The following RBFOX1 variants were observed in gnomAD, a reference collection of about 807,000 sequenced individuals.
RBFOX1 encodes the protein RNA binding protein fox-1 homolog 1.
RBFOX1 carries 8 observed loss-of-function variants against 57.7 expected under a neutral mutation model. That is an observed-to-expected ratio of 0.14 (90% CI 0.08 to 0.25). RBFOX1 has a LOEUF of 0.25. Among genes scored for constraint, RBFOX1 ranks in the 10% least tolerant of loss-of-function variants. The pLI is 1.00. For synonymous variants in RBFOX1, 326 were observed against 222.4 expected (o/e 1.47, Z -4.15); for missense variants, 611 against 548.5 (o/e 1.11, Z -1.14).
chr16:6,599,461 G>T (rs951465080), intron 2 of RBFOX1, among the ~76,000 whole-genome samples: 1 of 152,012 alleles, frequency 6.6e-6, no homozygotes, highest in East Asian at 1.9e-4. Context: ...TAACAAGGAC[G>T]CTTCAAAAAA....
At chr16:5,781,730 C>T (rs1395181191) in intron 3 of RBFOX1, among the ~76,000 whole-genome samples, 1 of 152,320 alleles carries the variant, frequency 6.6e-6, no homozygotes, top group East Asian at 1.9e-4. Context: ...TGAAAGCCCC[C>T]TTTTCTAGGG....
intron 1 of RBFOX1, among the ~76,000 whole-genome samples, chr16:6,183,713 C>G (rs946536628): frequency 3.9e-5 from 6 of 152,082 alleles, no homozygotes; most frequent in Non-Finnish European, 1.5e-5. Context: ...TGGCTGCAGA[C>G]TTCTTGTCAT....
intron 3 of RBFOX1, among the ~76,000 whole-genome samples, chr16:6,907,299 C>A (rs775526244): frequency 6.6e-6 from 1 of 152,160 alleles, no homozygotes; most frequent in Admixed American, 6.5e-5. Flanking sequence ...ACCGATGTGC[C>A]TCCTTCAGTA....
At position 5,817,162 on chromosome 16, in the gene RBFOX1, C is replaced by G. The variant is rs75262223; in HGVS notation, c.319-50141C>G. 6.8e-3 allele frequency among the ~76,000 whole-genome samples: 1,042 copies of G among 152,238 alleles called. 15 individuals carry two copies. Among genetic ancestry groups the G allele is most frequent in the African/African-American group, 0.023 (958 of 41,558 alleles). On this transcript the variant is annotated intron_variant, in intron 3 of 19. Transcript: ENST00000641259. ...CAGCGTCGTCTTGCACTCTTGTGCA[C>G]TCTCTCTCTATCTCTCTGTGTGTGT...
At chr16:5,431,638 G>C (rs2067738596) in intron 1 of RBFOX1, among the ~76,000 whole-genome samples, 1 of 152,170 alleles carries the variant, frequency 6.6e-6, no homozygotes, top group Admixed American at 6.5e-5. Context: ...CTCCCAAAGT[G>C]CTGGGGTTAC....
chr16:6,447,690 A>G lies in RBFOX1; in HGVS notation c.-64+130633A>G, dbSNP rs375427854. Among the ~76,000 whole-genome samples, 16 of 152,312 alleles carry G rather than the reference A, an allele frequency of 1.1e-4. No homozygotes were observed. The East Asian group carries it at 1.2e-3, about 11-fold the overall frequency. ...GCTGATAACAAGCGTTAAAAATTAG[A>G]ATTCATAATCCAGATTTTGAAAGCC... On this transcript the variant is annotated intron_variant, in intron 2 of 15. Transcript: ENST00000550418.
intron 2 of RBFOX1, among the ~76,000 whole-genome samples, chr16:6,376,571 T>C (rs1018729818): frequency 4.6e-5 from 7 of 152,248 alleles, no homozygotes; most frequent in South Asian, 4.1e-4. Flanking sequence ...TACATTGGTG[T>C]CTGTTCACGT....
chr16:6,746,899 A>G (rs1055286051), intron 3 of RBFOX1, among the ~76,000 whole-genome samples: 1 of 152,150 alleles, frequency 6.6e-6, no homozygotes, highest in African/African-American at 2.4e-5. Context: ...TCCATCTCCT[A>G]GCAGTCTTCT....
chr16:7,137,521 T>C (rs1237397880), intron 4 of RBFOX1, among the ~76,000 whole-genome samples: 3 of 152,156 alleles, frequency 2.0e-5, no homozygotes, highest in Non-Finnish European at 4.4e-5. Context: ...CCTTCCGCCA[T>C]GATTGTGAGG....
chr16:7,254,507 T>TTA (rs397752418), intron 4 of RBFOX1, among the ~76,000 whole-genome samples: 4 of 151,736 alleles, frequency 2.6e-5, no homozygotes, highest in Admixed American at 2.0e-4. Context: ...TCTTTTTTTT[T>TTA]ATCAATATAT....
intron 2 of RBFOX1, among the ~76,000 whole-genome samples, chr16:6,445,490 C>A (rs2795571): frequency 3.2e-4 from 48 of 150,840 alleles, no homozygotes; most frequent in Non-Finnish European, 6.6e-4. Context: ...CTGCAAAGAG[C>A]TGGTATAGAA....
At chr16:6,078,112 G>T (rs1212796859) in intron 1 of RBFOX1, among the ~76,000 whole-genome samples, 2 of 152,176 alleles carry the variant, frequency 1.3e-5, no homozygotes, top group Admixed American at 1.3e-4. Flanking sequence ...TTCCGGGGAG[G>T]TTAAGAGTTG....
intron 1 of RBFOX1, among the ~76,000 whole-genome samples, chr16:6,021,630 G>A (rs2095079609): frequency 1.3e-5 from 2 of 152,200 alleles, no homozygotes; most frequent in African/African-American, 2.4e-5. Flanking sequence ...TGGTTGCCTC[G>A]GGTTAGGAAG....
At chr16:6,912,569 T>G (rs1189748599) in intron 3 of RBFOX1, among the ~76,000 whole-genome samples, 1 of 152,174 alleles carries the variant, frequency 6.6e-6, no homozygotes, top group Admixed American at 6.5e-5. Flanking sequence ...TTGTTTCTTT[T>G]ACTTTTTCTT....
chr16:5,914,234 A>G (rs965338643), intron 4 of RBFOX1, among the ~76,000 whole-genome samples: 2 of 152,198 alleles, frequency 1.3e-5, no homozygotes, highest in African/African-American at 4.8e-5. Context: ...ACATGTATTT[A>G]TTTTCTGTTA....
chr16:6,831,578 G>A (rs1432006084), intron 3 of RBFOX1, among the ~76,000 whole-genome samples: 1 of 152,126 alleles, frequency 6.6e-6, no homozygotes, highest in East Asian at 1.9e-4. Flanking sequence ...AATTATTTGA[G>A]TAACTCAAAA....
chr16:5,904,694 T>G (rs1183162588), intron 4 of RBFOX1, among the ~76,000 whole-genome samples: 2 of 152,026 alleles, frequency 1.3e-5, no homozygotes, highest in Non-Finnish European at 2.9e-5. Flanking sequence ...GATAATCAGA[T>G]GGGCCGGGCA....
chr16:7,399,275 C>A (rs1597443731), intron 4 of RBFOX1, among the ~76,000 whole-genome samples: 1 of 149,900 alleles, frequency 6.7e-6, no homozygotes, highest in African/African-American at 2.5e-5. Flanking sequence ...CGGAGAAACC[C>A]CATCTCTACT....
intron 4 of RBFOX1, among the ~76,000 whole-genome samples, chr16:5,993,582 T>C (rs1048644396): frequency 1.9e-4 from 29 of 152,178 alleles, no homozygotes; most frequent in African/African-American, 7.0e-4. Flanking sequence ...CATTATTCTA[T>C]TTGACTTCTC....
Sources: gnomAD v4.1 joint callset for allele counts (sites outside exome capture counted in the v4.1 genomes callset) on GRCh38, gnomAD v4.1.1 for gene constraint, MANE v1.5 for transcripts, NCBI Gene and HGNC (gene_info 2026-07-23, HGNC 2026-07-21) for gene names.